The following GNA12 variants were observed in gnomAD, a reference collection of about 807,000 sequenced individuals.
GNA12 encodes the protein G protein subunit alpha 12, also known as guanine nucleotide-binding protein subunit alpha-12.
A neutral mutation model predicts 26.0 loss-of-function variants in GNA12; 9 were observed. That is an observed-to-expected ratio of 0.35 (90% confidence interval 0.21 to 0.60). The LOEUF is 0.60. Ranked by LOEUF, GNA12 falls within the 20% of genes least tolerant of loss-of-function variation. The pLI is 0.78. For missense variants in GNA12, 405 were observed against 525.8 expected (o/e 0.77, Z 2.25); for synonymous variants, 264 against 219.6 (o/e 1.20, Z -1.79).
chr7:2,806,457 C>CAA (rs34036056), intron 1 of GNA12, among the ~76,000 whole-genome samples: 9,087 of 80,410 alleles, frequency 0.11, 465 homozygotes, highest in Middle Eastern at 0.17. Flanking sequence ...GACTCTGTCT[C>CAA]AAAAAAAAAA....
At chr7:2,732,821 G>C (rs1789969128) in intron 3 of GNA12, among the ~76,000 whole-genome samples, 1 of 152,158 alleles carries the variant, frequency 6.6e-6, no homozygotes, top group South Asian at 2.1e-4. Context: ...AAAAAGGAGA[G>C]ACATACAGAT....
Position 2,844,171 on chromosome 7 carries a change from G to A in GNA12, c.-10C>T. ...GCACCACCCCGGACATGGCCCCTCA[G>A]GCCGCGGCCGCGCCCCGCCGGCGCC... is the stretch of plus-strand genomic sequence containing the variant. On this transcript the variant is annotated 5_prime_UTR_variant, in exon 1 of 4. Transcript: ENST00000275364. The A allele has an allele frequency of 1.0e-6, 1 of 981,766 alleles. No homozygotes were observed. Among genetic ancestry groups the A allele is most frequent in the Non-Finnish European group, 1.2e-6 (1 of 828,892 alleles). The allele number at this position is 981,766 out of a possible 1,614,324, so 60.8% of individuals were successfully genotyped here.
rs1298663697 is a variant in GNA12, at chr7:2,762,729, G to A, written c.526-29228C>T. On this transcript the variant is annotated intron_variant, in intron 2 of 3. Transcript: ENST00000275364. ...AGCGCCAGAGGGAAGCAGGCCCCATGTCCTCCCTCCCGCAGGAAGTGCACC... is the reference window on the plus strand; with the variant it reads ...AGCGCCAGAGGGAAGCAGGCCCCATATCCTCCCTCCCGCAGGAAGTGCACC... The A allele has an allele frequency of 3.2e-6, 5 of 1,558,446 alleles. No homozygotes were observed. The Middle Eastern group carries it at 5.0e-4, about 156-fold the overall frequency.
chr7:2,795,517 GTA>G (rs1792642092), intron 1 of GNA12, among the ~76,000 whole-genome samples: 1 of 151,740 alleles, frequency 6.6e-6, no homozygotes, highest in South Asian at 2.1e-4. Context: ...TGGCACACCT[GTA>G]GTCTCAGCTG....
intron 1 of GNA12, among the ~76,000 whole-genome samples, chr7:2,843,091 A>C (rs1445717517): frequency 1.3e-5 from 2 of 152,128 alleles, no homozygotes; most frequent in African/African-American, 4.8e-5. Flanking sequence ...TGGGCAAGAG[A>C]GTGAGAGCCT....
chr7:2,732,764 C>G (rs892631841), intron 3 of GNA12, among the ~76,000 whole-genome samples: 1 of 152,024 alleles, frequency 6.6e-6, no homozygotes, highest in Non-Finnish European at 1.5e-5. Flanking sequence ...GGTAAGAAAC[C>G]CTACAGGATA....
At chr7:2,790,519 G>A (rs1487033824) in intron 2 of GNA12, among the ~76,000 whole-genome samples, 2 of 152,198 alleles carry the variant, frequency 1.3e-5, no homozygotes, top group African/African-American at 4.8e-5. Flanking sequence ...ACAGGGCCTG[G>A]CACACAGAAA....
intron 2 of GNA12, among the ~76,000 whole-genome samples, chr7:2,748,659 T>G (rs904139760): frequency 2.0e-5 from 3 of 151,972 alleles, no homozygotes; most frequent in Non-Finnish European, 4.4e-5. Flanking sequence ...AATTGACAAA[T>G]GGGATCTAAT....
intron 2 of GNA12, among the ~76,000 whole-genome samples, chr7:2,776,903 C>T (rs6461600): frequency 0.17 from 26,492 of 152,126 alleles, 2,723 homozygotes; most frequent in Middle Eastern, 0.29. Context: ...TGAGCTGTGA[C>T]TGTGCAGCTG....
rs1470596328 is a variant in GNA12 at position 2,731,860 on chromosome 7, C to T, written c.577-110G>A. 2 of 584,964 alleles carry T rather than the reference C, an allele frequency of 3.4e-6. No individual in the cohort carries two copies. The highest frequency in any genetic ancestry group is 5.7e-6 in the Non-Finnish European group (2 of 351,388). The allele number at this position is 584,964 out of a possible 1,614,324, so 36.2% of individuals were successfully genotyped here. The stretch of plus-strand genomic sequence containing the variant: ...GAAGGAAAGAGACTGACTTTTGCAA[C>T]AGGTTGAACCAGAAACCAAAAGCAA... On this transcript the variant is annotated intron_variant, in intron 3 of 3. Transcript: ENST00000275364. This position sits in a 1 kb window ranked among gnomAD's most constrained non-coding sequence, Gnocchi z 6.0.
chr7:2,815,892 T>C (rs1282612873), intron 1 of GNA12, among the ~76,000 whole-genome samples: 1 of 152,244 alleles, frequency 6.6e-6, no homozygotes, highest in Non-Finnish European at 1.5e-5. Flanking sequence ...TTTTCATTCA[T>C]CTGAAAATAA....
intron 2 of GNA12, among the ~76,000 whole-genome samples, chr7:2,794,402 C>A (rs1792599015): frequency 6.6e-6 from 1 of 152,054 alleles, no homozygotes; most frequent in Non-Finnish European, 1.5e-5. Flanking sequence ...ACAGGCAAAA[C>A]CCCCCAGATT....
intron 1 of GNA12, among the ~76,000 whole-genome samples, chr7:2,822,437 T>G (rs977515631): frequency 1.3e-5 from 2 of 152,210 alleles, no homozygotes; most frequent in Non-Finnish European, 2.9e-5. Context: ...GAAGTCCCCT[T>G]CTCAAACCCT....
At chr7:2,782,903 TG>T (rs770719785) in intron 2 of GNA12, among the ~76,000 whole-genome samples, 19 of 152,252 alleles carry the variant, frequency 1.2e-4, no homozygotes, top group Non-Finnish European at 2.6e-4. Context: ...ACTAATACTT[TG>T]TTGCCTAACA....
chr7:2,795,816 CTTTT>C (rs71026559), intron 1 of GNA12, among the ~76,000 whole-genome samples: 20 of 137,876 alleles, frequency 1.5e-4, no homozygotes, highest in Admixed American at 7.2e-4. Context: ...AAAAAAACAA[CTTTT>C]TTTTTTTTTT....
At chr7:2,793,309 C>T (rs1462298495) in intron 2 of GNA12, among the ~76,000 whole-genome samples, 1 of 145,564 alleles carries the variant, frequency 6.9e-6, no homozygotes, top group Non-Finnish European at 1.5e-5. Context: ...GGACAGGACG[C>T]GAGAGGAAGC....
At chr7:2,762,204 TAGG>T (rs34186365) in intron 2 of GNA12, 2 of 169,688 alleles carry the variant, frequency 1.2e-5, no homozygotes, top group Non-Finnish European at 2.5e-5. Flanking sequence ...GCTTCGTTTC[TAGG>T]AGAAGTTGTA....
chr7:2,753,944 T>C (rs541047137), intron 2 of GNA12, among the ~76,000 whole-genome samples: 2 of 152,306 alleles, frequency 1.3e-5, no homozygotes, highest in East Asian at 1.9e-4. Flanking sequence ...CCACGAGCTC[T>C]GTAGGTCCGG....
intron 1 of GNA12, among the ~76,000 whole-genome samples, chr7:2,818,681 T>C (rs2527696): frequency 0.42 from 63,382 of 150,546 alleles, 13,604 homozygotes; most frequent in Admixed American, 0.48. Flanking sequence ...GAGAATTGCC[T>C]GAGCCCAGGA....
Sources: allele counts gnomAD v4.1 joint callset (sites outside exome capture counted in the v4.1 genomes callset), GRCh38; gene constraint gnomAD v4.1.1; non-coding constraint Gnocchi (gnomAD v3.1); transcripts MANE v1.5; gene names NCBI Gene and HGNC (gene_info 2026-07-23, HGNC 2026-07-21).